Variants in ERP44 observed in about 807,000 individuals in gnomAD.
ERP44 encodes endoplasmic reticulum protein 44, also known as endoplasmic reticulum resident protein 44.
Under a neutral mutation model 53.4 loss-of-function variants are expected in ERP44, and 25 were observed. That is an observed-to-expected ratio of 0.47 (90% CI 0.34 to 0.65). The LOEUF (loss-of-function observed/expected upper bound fraction) is 0.65. ERP44 is among the 30% of genes least tolerant of loss of function. The pLI is 0.01. For synonymous variants in ERP44, 145 were observed against 161.2 expected, an observed-to-expected ratio of 0.90 and a Z score of 0.76; for missense variants, 338 against 493.2, an observed-to-expected ratio of 0.69 and a Z score of 2.98.
At position 99,981,502 on chromosome 9, in the gene ERP44, G is replaced by A. The variant is rs867550407; in HGVS notation, c.*1110C>T. 6.6e-6 allele frequency: 1 copy of A among 152,540 alleles called. No homozygotes were observed. Among genetic ancestry groups the A allele is most frequent in the Non-Finnish European group, 1.5e-5 (1 of 68,014 alleles). The allele number at this position is 152,540 out of a possible 1,614,324, so 9.4% of individuals were successfully genotyped here. ...CAACCCAGGCCCAGAGGAAAAGCCAGTTTTGAACCTGTCTGTCCTCTGGCA... is the reference window on the plus strand; with the variant it reads ...CAACCCAGGCCCAGAGGAAAAGCCAATTTTGAACCTGTCTGTCCTCTGGCA... On this transcript the variant is annotated 3_prime_UTR_variant, in exon 12 of 12. Transcript: ENST00000262455.
chr9:100,071,106 T>C lies in ERP44; in HGVS notation c.58-10934A>G, dbSNP rs2118734730. Among the ~76,000 whole-genome samples, 2 of 150,298 alleles carry C rather than the reference T, an allele frequency of 1.3e-5. 1 individual carries two copies. The highest frequency in any genetic ancestry group is 3.9e-4 in the East Asian group (2 of 5,102). Reference sequence around the variant, plus strand: ...AAATTATATAAGGTTTTTTTTTTTTTTTTTTTGAGACAAGGTCTTGTTCTG... The same window carrying C: ...AAATTATATAAGGTTTTTTTTTTTTCTTTTTTGAGACAAGGTCTTGTTCTG... On this transcript the variant is annotated intron_variant, in intron 1 of 11. Transcript: ENST00000262455.
chr9:100,002,024 ATATAAT>A (rs796179150), intron 10 of ERP44, among the ~76,000 whole-genome samples: 7 of 151,948 alleles, frequency 4.6e-5, no homozygotes, highest in African/African-American at 1.7e-4. Context: ...TTTACGTAAA[ATATAAT>A]TATAATAGGG....
At chr9:99,989,666 A>C (rs1434890454) in intron 10 of ERP44, among the ~76,000 whole-genome samples, 1 of 152,206 alleles carries the variant, frequency 6.6e-6, no homozygotes, top group East Asian at 1.9e-4. Flanking sequence ...CCTCGCCAGC[A>C]ATGGAACAAA....
intron 10 of ERP44, among the ~76,000 whole-genome samples, chr9:100,002,351 G>C (rs1165410149): frequency 6.6e-6 from 1 of 152,148 alleles, no homozygotes; most frequent in Non-Finnish European, 1.5e-5. Context: ...ACTTTCACCA[G>C]TGAGTTTTAT....
intron 1 of ERP44, among the ~76,000 whole-genome samples, chr9:100,083,765 G>A (rs1434342022): frequency 1.3e-5 from 2 of 152,138 alleles, no homozygotes; most frequent in Non-Finnish European, 2.9e-5. Context: ...AGCACTAACA[G>A]GCTCCTAGCT....
intron 9 of ERP44, 83 bp from the exon 10 acceptor site, chr9:100,006,730 C>A: frequency 2.1e-6 from 2 of 941,608 alleles, no homozygotes; most frequent in Non-Finnish European, 3.1e-6. Context: ...CAAAAAGTGA[C>A]ATACTAAAAA....
Position 99,980,121 on chromosome 9 carries a change from T to TAA in ERP44, c.*2489_*2490dup. On this transcript the variant is annotated 3_prime_UTR_variant, in exon 12 of 12. Transcript: ENST00000262455. ...CTATTCATCTTTTTAAAGCTCAAAA[T>TAA]AAAAATAATGTCCTCAAATCTCTGC... 2.5e-6 allele frequency: 1 copy of TAA among 398,444 alleles called. No homozygotes were observed. Among genetic ancestry groups the TAA allele is most frequent in the Non-Finnish European group, 4.4e-6 (1 of 225,924 alleles). 24.7% of individuals were successfully genotyped at this position (398,444 alleles called of 1,614,324 possible).
At chr9:100,079,909 T>C (rs2118746770) in intron 1 of ERP44, among the ~76,000 whole-genome samples, 1 of 149,502 alleles carries the variant, frequency 6.7e-6, no homozygotes, top group East Asian at 2.0e-4. Context: ...CACTCTAGCC[T>C]GGGTGACAGA....
intron 1 of ERP44, among the ~76,000 whole-genome samples, chr9:100,063,401 A>G (rs886620569): frequency 6.6e-6 from 1 of 152,142 alleles, no homozygotes; most frequent in African/African-American, 2.4e-5. Context: ...TGCAGTATGA[A>G]GGGAAAGACG....
At chr9:100,009,881 C>T (rs555477744) in intron 8 of ERP44, among the ~76,000 whole-genome samples, 2 of 152,284 alleles carry the variant, frequency 1.3e-5, no homozygotes, top group African/African-American at 2.4e-5. Context: ...CTTTTCAGGA[C>T]GTAATGCCGC....
At chr9:100,010,239 A>T (rs1368237576) in intron 8 of ERP44, among the ~76,000 whole-genome samples, 1 of 152,256 alleles carries the variant, frequency 6.6e-6, no homozygotes, top group Non-Finnish European at 1.5e-5. Flanking sequence ...ACAAATGTTA[A>T]AAGATTAAGG....
At chr9:100,027,816 GAA>G (rs1445188974) in intron 4 of ERP44, among the ~76,000 whole-genome samples, 1 of 152,108 alleles carries the variant, frequency 6.6e-6, no homozygotes, top group African/African-American at 2.4e-5. Flanking sequence ...ATTTCAACAG[GAA>G]AGTCTTATTG....
chr9:100,014,282 T>C (rs1190062841), intron 8 of ERP44, among the ~76,000 whole-genome samples: 3 of 152,150 alleles, frequency 2.0e-5, no homozygotes, highest in African/African-American at 7.2e-5. Flanking sequence ...TTGTTTTTTG[T>C]TTTTTGTTTT....
At chr9:100,041,532 G>A (rs1368227150) in intron 4 of ERP44, among the ~76,000 whole-genome samples, 1 of 152,082 alleles carries the variant, frequency 6.6e-6, no homozygotes, top group East Asian at 1.9e-4. Flanking sequence ...GTTGGGTATG[G>A]TGGCACGTGC....
chr9:99,988,802 C>G (rs909714898), intron 10 of ERP44, among the ~76,000 whole-genome samples: 1 of 152,162 alleles, frequency 6.6e-6, no homozygotes, highest in Non-Finnish European at 1.5e-5. Context: ...ACAGACTGTA[C>G]CGGAAAAAAC....
At chr9:100,067,318 G>C (rs955708269) in intron 1 of ERP44, among the ~76,000 whole-genome samples, 24 of 152,348 alleles carry the variant, frequency 1.6e-4, no homozygotes, top group African/African-American at 5.8e-4. Flanking sequence ...AGCCTGCCCA[G>C]TGCCTGCGAC....
At chr9:100,057,776 A>G in intron 3 of ERP44, 44 bp downstream of exon 3, 1 of 1,468,712 alleles carries the variant, frequency 6.8e-7, no homozygotes, top group South Asian at 1.2e-5. Context: ...ATTAACCTTT[A>G]GCAAGTAAAA....
intron 1 of ERP44, among the ~76,000 whole-genome samples, chr9:100,077,367 G>T (rs1490415083): frequency 6.6e-6 from 1 of 152,174 alleles, no homozygotes; most frequent in Non-Finnish European, 1.5e-5. Context: ...CAGAACGATG[G>T]AATCGCCTTT....
chr9:100,026,100 G>A (rs981498080), intron 4 of ERP44, among the ~76,000 whole-genome samples: 4 of 152,146 alleles, frequency 2.6e-5, no homozygotes, highest in Admixed American at 2.6e-4. Context: ...AATTTGTTTT[G>A]GAAATTAAGC....
Sources: allele counts gnomAD v4.1 joint callset (sites outside exome capture counted in the v4.1 genomes callset), GRCh38; gene constraint gnomAD v4.1.1; transcripts MANE v1.5; gene names NCBI Gene and HGNC (gene_info 2026-07-23, HGNC 2026-07-21).